LRMDA: variants seen among roughly 807,000 people sequenced by gnomAD.
LRMDA encodes the protein leucine rich melanocyte differentiation associated.
LRMDA carries 18 observed loss-of-function variants against 29.8 expected under a neutral mutation model. The observed-to-expected ratio is 0.60, with a 90% CI of 0.42 to 0.90. LRMDA has a LOEUF of 0.90. Among genes scored for constraint, LRMDA ranks in the 40% least tolerant of loss-of-function variants. The pLI is 0.00. For missense variants in LRMDA, 273 were observed against 273.9 expected, an observed-to-expected ratio of 1.00 and a Z score of 0.02; for synonymous variants, 125 against 109.4, an observed-to-expected ratio of 1.14 and a Z score of -0.89.
intron 2 of LRMDA, among the ~76,000 whole-genome samples, chr10:75,718,804 C>A (rs946102796): frequency 1.3e-5 from 2 of 152,190 alleles, no homozygotes; most frequent in Non-Finnish European, 2.9e-5. Flanking sequence ...TGTTGAATAT[C>A]ACTTCCATGT....
At chr10:76,346,353 T>A (rs1285979069) in intron 6 of LRMDA, 1 of 152,202 alleles carries the variant, frequency 6.6e-6, no homozygotes, top group East Asian at 1.9e-4. Flanking sequence ...TATAACTGTT[T>A]TGGAGACTTT....
chr10:76,193,871 C>T (rs977915404), intron 5 of LRMDA, among the ~76,000 whole-genome samples: 2 of 152,232 alleles, frequency 1.3e-5, no homozygotes, highest in Non-Finnish European at 2.9e-5. Context: ...CTAACTGGAG[C>T]TTTCAGGAGA....
intron 2 of LRMDA, among the ~76,000 whole-genome samples, chr10:75,616,240 TAGCAGCAGTAGC>T (rs768019874): frequency 1.4e-4 from 20 of 146,896 alleles, no homozygotes; most frequent in Non-Finnish European, 2.2e-4. Flanking sequence ...ATAGTAGCAG[TAGCAGCAGTAGC>T]AGCAGCAGCA....
chr10:76,429,777 C>T (rs1308509855), intron 6 of LRMDA, among the ~76,000 whole-genome samples: 1 of 152,090 alleles, frequency 6.6e-6, no homozygotes, highest in South Asian at 2.1e-4. Context: ...GCCATGGGGG[C>T]CTGGGCAGGG....
intron 2 of LRMDA, among the ~76,000 whole-genome samples, chr10:75,602,545 C>G (rs1484907664): frequency 6.6e-6 from 1 of 152,070 alleles, no homozygotes. Context: ...AATGCTTGGC[C>G]CTGCTCCACT....
chr10:75,751,805 C>T (rs1842972621), intron 2 of LRMDA, among the ~76,000 whole-genome samples: 1 of 152,170 alleles, frequency 6.6e-6, no homozygotes. Context: ...CTGATTTTCA[C>T]TCACAGAGAG....
At chr10:75,787,549 C>G (rs1843492926) in intron 2 of LRMDA, among the ~76,000 whole-genome samples, 1 of 152,182 alleles carries the variant, frequency 6.6e-6, no homozygotes, top group African/African-American at 2.4e-5. Context: ...TCTGTCTCCT[C>G]CAGACCCCCC....
intron 2 of LRMDA, among the ~76,000 whole-genome samples, chr10:75,506,320 CCT>C (rs907739320): frequency 3.3e-5 from 5 of 152,284 alleles, no homozygotes; most frequent in Middle Eastern, 3.4e-3. Flanking sequence ...CTGCCACTCC[CCT>C]GTCTGATTTC....
intron 2 of LRMDA, among the ~76,000 whole-genome samples, chr10:75,762,836 A>G (rs1419122683): frequency 1.3e-5 from 2 of 152,346 alleles, no homozygotes; most frequent in Non-Finnish European, 2.9e-5. Context: ...GAGACCTCTC[A>G]TAATGAGATT....
rs554886204 is a variant in LRMDA, at chr10:75,900,072, T to C, written c.132-135936T>C. On this transcript the variant is annotated intron_variant, in intron 2 of 6. Transcript: ENST00000611255. ...CTTTTGTGTTGATTTCTATGAGATA[T>C]AAATCATACCCAGGAAGTTTACAGT... Among the ~76,000 whole-genome samples, 3 of 152,320 alleles carry C rather than the reference T, an allele frequency of 2.0e-5. No individual in the cohort carries two copies. In the South Asian group the frequency reaches 6.2e-4, roughly 32 times the overall value.
intron 2 of LRMDA, among the ~76,000 whole-genome samples, chr10:75,690,152 C>T (rs1413779760): frequency 2.0e-5 from 3 of 152,174 alleles, no homozygotes; most frequent in African/African-American, 7.2e-5. Flanking sequence ...AATGCCACTA[C>T]AGTTTGGGAA....
chr10:75,804,382 G>C (rs1475217235), intron 2 of LRMDA, among the ~76,000 whole-genome samples: 1 of 152,188 alleles, frequency 6.6e-6, no homozygotes. Context: ...TCACGGCGAT[G>C]TGATTTATGT....
chr10:76,471,647 C>A (rs2132317363), intron 6 of LRMDA, among the ~76,000 whole-genome samples: 1 of 151,518 alleles, frequency 6.6e-6, no homozygotes, highest in South Asian at 2.1e-4. Flanking sequence ...GATAAAAAAA[C>A]AAAATCCAAC....
chr10:76,342,860 C>T (rs1437262387), intron 6 of LRMDA, among the ~76,000 whole-genome samples: 2 of 151,168 alleles, frequency 1.3e-5, no homozygotes, highest in African/African-American at 4.8e-5. Context: ...AGACCTATCA[C>T]TTCTCCCACA....
chr10:75,622,480 T>G (rs1462237547), intron 2 of LRMDA, among the ~76,000 whole-genome samples: 1 of 152,218 alleles, frequency 6.6e-6, no homozygotes, highest in East Asian at 1.9e-4. Context: ...TTTTACTTTC[T>G]GCAAAGTCAT....
intron 6 of LRMDA, among the ~76,000 whole-genome samples, chr10:76,502,990 C>T (rs1245100480): frequency 6.6e-6 from 1 of 151,842 alleles, no homozygotes; most frequent in Non-Finnish European, 1.5e-5. Context: ...GGGAATAATG[C>T]TTTCAGCTTT....
At chr10:75,743,531 G>A (rs1289080476) in intron 2 of LRMDA, 1 of 152,100 alleles carries the variant, frequency 6.6e-6, no homozygotes, top group Non-Finnish European at 1.5e-5. Context: ...CCTTTCCTTC[G>A]TGGGATAAAG....
chr10:76,159,815 T>C (rs749484568), intron 5 of LRMDA, among the ~76,000 whole-genome samples: 3 of 152,142 alleles, frequency 2.0e-5, no homozygotes, highest in African/African-American at 4.8e-5. Context: ...CTATATGTCA[T>C]TCTAGAAAAG....
chr10:76,444,005 C>T (rs948828502), intron 6 of LRMDA, among the ~76,000 whole-genome samples: 9 of 152,070 alleles, frequency 5.9e-5, no homozygotes, highest in Middle Eastern at 3.2e-3. Flanking sequence ...AGTGGATGAG[C>T]GCCGACTCAC....
Sources: gnomAD v4.1 joint callset for allele counts (sites outside exome capture counted in the v4.1 genomes callset) on GRCh38, gnomAD v4.1.1 for gene constraint, MANE v1.5 for transcripts, NCBI Gene and HGNC (gene_info 2026-07-23, HGNC 2026-07-21) for gene names.